Variants in RALYL observed in about 807,000 individuals in gnomAD.
The protein encoded by RALYL is RNA-binding Raly-like protein.
A neutral mutation model predicts 35.1 loss-of-function variants in RALYL; 29 were observed. That is an observed-to-expected ratio of 0.83 (90% CI 0.61 to 1.13). The LOEUF is 1.13. Ranked by LOEUF, RALYL falls within the 50% of genes most tolerant of loss-of-function variation. RALYL has a pLI of 0.00. For synonymous variants in RALYL, 120 were observed against 127.6 expected (o/e 0.94, Z 0.40); for missense variants, 359 against 360.4 (o/e 1.00, Z 0.03).
At chr8:84,892,671 T>C (rs1208611526) in intron 8 of RALYL, among the ~76,000 whole-genome samples, 2 of 148,312 alleles carry the variant, frequency 1.3e-5, no homozygotes, top group African/African-American at 4.9e-5. Flanking sequence ...CTGCACGTTG[T>C]GCACATGTAC....
intron 2 of RALYL, among the ~76,000 whole-genome samples, chr8:84,674,978 T>TAA (rs557848615): frequency 0.012 from 1,723 of 143,236 alleles, 40 homozygotes; most frequent in African/African-American, 0.041. Flanking sequence ...AGTGCAGATG[T>TAA]AAAAAAAAAA....
intron 2 of RALYL, among the ~76,000 whole-genome samples, chr8:84,551,003 A>G (rs1028976866): frequency 6.6e-6 from 1 of 152,062 alleles, no homozygotes; most frequent in South Asian, 2.1e-4. Flanking sequence ...CATAAACAAG[A>G]TTTTTTAAGG....
chr8:84,497,627 G>GTTGTTA (rs2056180646), intron 1 of RALYL, among the ~76,000 whole-genome samples: 1 of 135,700 alleles, frequency 7.4e-6, no homozygotes, highest in East Asian at 2.2e-4. Context: ...TGTTTTTTTT[G>GTTGTTA]TTGTTTTTGT....
intron 2 of RALYL, among the ~76,000 whole-genome samples, chr8:84,570,662 C>A (rs1009994025): frequency 6.6e-6 from 1 of 151,682 alleles, no homozygotes; most frequent in Non-Finnish European, 1.5e-5. Flanking sequence ...CAGTCTTGTG[C>A]CAGTTCTTAG....
chr8:84,806,323 G>A lies in RALYL; in HGVS notation c.365+1521G>A, dbSNP rs78505274. On this transcript the variant is annotated intron_variant, in intron 4 of 8. Transcript: ENST00000521268. Reference sequence around the variant, plus strand: ...CCTATTGTTAAAAATCTCTACACCTGAAGAAATCTTTTAGTTTGAATGCAT... The same window carrying A: ...CCTATTGTTAAAAATCTCTACACCTAAAGAAATCTTTTAGTTTGAATGCAT... Among the ~76,000 whole-genome samples the A allele has an allele frequency of 6.4e-3, 979 of 152,250 alleles. 45 individuals carry two copies. The East Asian group carries it at 0.074, about 11-fold the overall frequency.
At chr8:84,433,554 T>C (rs1445992678) in intron 1 of RALYL, among the ~76,000 whole-genome samples, 1 of 152,148 alleles carries the variant, frequency 6.6e-6, no homozygotes, top group Non-Finnish European at 1.5e-5. Context: ...TGGGGGCTGG[T>C]CTTTCCTGTG....
chr8:84,836,378 G>A (rs1272209906), intron 4 of RALYL, among the ~76,000 whole-genome samples: 3 of 152,120 alleles, frequency 2.0e-5, no homozygotes, highest in African/African-American at 7.2e-5. Context: ...TCAGGTGACA[G>A]GTCCTGATTC....
intron 2 of RALYL, among the ~76,000 whole-genome samples, chr8:84,589,747 A>C (rs1404933511): frequency 2.0e-5 from 3 of 152,238 alleles, no homozygotes; most frequent in African/African-American, 7.2e-5. Flanking sequence ...TCTGTGTCAC[A>C]TTTTAAGAGA....
intron 1 of RALYL, among the ~76,000 whole-genome samples, chr8:84,513,518 T>G (rs1220514360): frequency 1.3e-5 from 2 of 152,152 alleles, no homozygotes; most frequent in Non-Finnish European, 2.9e-5. Flanking sequence ...TTATGAGAGA[T>G]AAACATGTAA....
chr8:84,532,667 C>G (rs1293904972), intron 2 of RALYL, among the ~76,000 whole-genome samples: 2 of 151,910 alleles, frequency 1.3e-5, no homozygotes, highest in African/African-American at 4.8e-5. Context: ...ACCTTTATTA[C>G]CTTATTTGAT....
chr8:84,486,155 G>T (rs1159042238), intron 1 of RALYL, among the ~76,000 whole-genome samples: 1 of 150,090 alleles, frequency 6.7e-6, no homozygotes, highest in Non-Finnish European at 1.5e-5. Context: ...TTGGATTATT[G>T]TTTAGAACTT....
chr8:84,288,123 G>A (rs1372646157), intron 1 of RALYL, among the ~76,000 whole-genome samples: 1 of 152,174 alleles, frequency 6.6e-6, no homozygotes, highest in Non-Finnish European at 1.5e-5. Context: ...GACTTATGCA[G>A]AGGACCAGGA....
intron 2 of RALYL, among the ~76,000 whole-genome samples, chr8:84,570,134 T>A (rs1292201931): frequency 6.6e-6 from 1 of 151,924 alleles, no homozygotes; most frequent in African/African-American, 2.4e-5. Flanking sequence ...ATGACATTAG[T>A]AATTGGATAG....
intron 2 of RALYL, among the ~76,000 whole-genome samples, chr8:84,732,668 T>TTATATATATATATATATA (rs1554553641): frequency 2.1e-4 from 28 of 132,432 alleles, no homozygotes; most frequent in South Asian, 4.5e-4. Context: ...TATTAAATAA[T>TTATATATATATATATATA]TATATATATA....
At chr8:84,368,012 C>G (rs1445723034) in intron 1 of RALYL, among the ~76,000 whole-genome samples, 1 of 152,216 alleles carries the variant, frequency 6.6e-6, no homozygotes, top group East Asian at 1.9e-4. Flanking sequence ...GTTCTAAGAT[C>G]ACTCTGATTT....
intron 1 of RALYL, among the ~76,000 whole-genome samples, chr8:84,296,064 C>A (rs979837447): frequency 6.6e-6 from 1 of 152,088 alleles, no homozygotes; most frequent in Non-Finnish European, 1.5e-5. Context: ...GGCAAAAACA[C>A]AGCTATTTCT....
At chr8:84,436,910 T>C (rs2047792851) in intron 1 of RALYL, among the ~76,000 whole-genome samples, 1 of 152,062 alleles carries the variant, frequency 6.6e-6, no homozygotes, top group Non-Finnish European at 1.5e-5. Flanking sequence ...TTAAGAGGTA[T>C]ATCTGCAGAT....
At chr8:84,244,773 G>A (rs955843659) in intron 1 of RALYL, among the ~76,000 whole-genome samples, 1 of 152,202 alleles carries the variant, frequency 6.6e-6, no homozygotes, top group Non-Finnish European at 1.5e-5. Context: ...TGAAAGGTCA[G>A]GAGCTTGAAT....
In RALYL at chr8:84,722,617, T is replaced by TATATATATATATATA. The variant is rs1554546342; in HGVS notation, c.257-51962_257-51961insATATATATATATATA. Among the ~76,000 whole-genome samples the TATATATATATATATA allele has an allele frequency of 4.0e-3, 388 of 97,218 alleles. 25 individuals are homozygous for TATATATATATATATA. The highest frequency in any genetic ancestry group is 0.016 in the Middle Eastern group (3 of 186). The allele number at this position is 97,218 out of a possible 152,430, so 63.8% of individuals were successfully genotyped here. On this transcript the variant is annotated intron_variant, in intron 2 of 8. Coordinates refer to ENST00000521268, the MANE Select transcript of RALYL (RefSeq NM_173848.7). ...AGGTCAGTATATTCCTAGAGTGATT[T>TATATATATATATATA]TATATATATATATATATATATATAT... is the stretch of plus-strand genomic sequence containing the variant.
Sources: allele counts gnomAD v4.1 joint callset (sites outside exome capture counted in the v4.1 genomes callset), GRCh38; gene constraint gnomAD v4.1.1; transcripts MANE v1.5; gene names NCBI Gene and HGNC (gene_info 2026-07-23, HGNC 2026-07-21).